DNAH10: variants seen among roughly 807,000 people sequenced by gnomAD.
The protein encoded by DNAH10 is dynein axonemal heavy chain 10.
DNAH10 carries 348 observed loss-of-function variants against 506.6 expected under a neutral mutation model. That is an observed-to-expected ratio of 0.69 (90% CI 0.63 to 0.75). The LOEUF (loss-of-function observed/expected upper bound fraction) is 0.75, where lower values mean the gene tolerates loss of function less well. Ranked by LOEUF, DNAH10 falls within the 30% of genes least tolerant of loss-of-function variation. The pLI is 0.00. For missense variants in DNAH10, 5,179 were observed against 5,787.1 expected (o/e 0.89, Z 3.41); for synonymous variants, 2,059 against 2,198.6 (o/e 0.94, Z 1.78).
chr12:123,933,945 T>A (rs1215541600), intron 77 of DNAH10: 1 of 462,764 alleles, frequency 2.2e-6, no homozygotes, highest in Non-Finnish European at 3.8e-6. Context: ...AGACATTGGT[T>A]ACTGACTGTG....
At position 123,928,133 on chromosome 12, in the gene DNAH10, G is replaced by T; in HGVS notation, c.12106-254G>T. ...GAGGAGCTGGGACTTCCAGGGCCAG[G>T]GAGGCAGATGAGTGCAAAATGCTCA... On this transcript the variant is annotated intron_variant, in intron 69 of 78. Coordinates refer to ENST00000673944, the MANE Select transcript of DNAH10 (RefSeq NM_001372106.1). This position sits in a 1 kb window ranked among gnomAD's most constrained non-coding sequence, Gnocchi z 4.9. 1.7e-6 allele frequency: 1 copy of T among 575,812 alleles called. No homozygotes were observed. The highest frequency in any genetic ancestry group is 3.1e-6 in the Non-Finnish European group (1 of 323,018). The allele number at this position is 575,812 out of a possible 1,614,324, so 35.7% of individuals were successfully genotyped here.
At chr12:123,881,881 A>C (rs1483539768) in intron 51 of DNAH10, 68 bp downstream of exon 51, 9 of 1,359,050 alleles carry the variant, frequency 6.6e-6, no homozygotes, top group Non-Finnish European at 8.7e-6. Context: ...GTTCGTGTAC[A>C]TATTGGAACA....
chr12:123,818,976 T>A lies in DNAH10; in HGVS notation c.3807T>A (p.Val1269=), dbSNP rs1485954103. The A allele has an allele frequency of 6.2e-7, 1 of 1,606,016 alleles. No homozygotes were observed. The highest frequency in any genetic ancestry group is 1.1e-5 in the South Asian group (1 of 88,936). ...CTCCTGATGCAGAGAAAGAACTGGT[T>A]GATAAGATTGAGAGCATATGGTCCA... ...LFPPDAEKEL[V]DKIESIWSNL... is the part of the protein sequence containing the mutation. Residue 1269 remains valine (V), a synonymous_variant, in exon 22 of 79, where the codon GTT becomes GTA. Transcript: ENST00000673944.
intron 35 of DNAH10, among the ~76,000 whole-genome samples, chr12:123,851,580 T>G (rs1466434582): frequency 6.6e-6 from 1 of 152,238 alleles, no homozygotes; most frequent in Non-Finnish European, 1.5e-5. Flanking sequence ...ACATCTCACA[T>G]AGCCACAGTC....
intron 25 of DNAH10, among the ~76,000 whole-genome samples, chr12:123,827,982 C>T (rs1960162027): frequency 6.6e-6 from 1 of 152,150 alleles, no homozygotes; most frequent in Non-Finnish European, 1.5e-5. Context: ...TTTATAATCC[C>T]ATAACCCAGT....
intron 2 of DNAH10, among the ~76,000 whole-genome samples, chr12:123,768,962 G>A (rs535673881): frequency 2.0e-5 from 3 of 152,068 alleles, no homozygotes; most frequent in Admixed American, 2.0e-4. Context: ...TGGTCTTGAA[G>A]TCCTGGGCTC....
In DNAH10 at chr12:123,909,043, C is replaced by A. The variant is rs529407506; in HGVS notation, c.9816-218C>A. Among the ~76,000 whole-genome samples, 2 of 152,166 alleles carry A rather than the reference C, an allele frequency of 1.3e-5. No homozygotes were observed. Among genetic ancestry groups the A allele is most frequent in the African/African-American group, 2.4e-5 (1 of 41,452 alleles). On this transcript the variant is annotated intron_variant, in intron 57 of 78. Coordinates refer to ENST00000673944, the MANE Select transcript of DNAH10 (RefSeq NM_001372106.1). This position sits in a 1 kb window ranked among gnomAD's most constrained non-coding sequence, Gnocchi z 5.4. Reference sequence around the variant, plus strand: ...AATGCTGCCCCCGCACCATTCCAGGCGCCTGGTCTGGAACCTGAGAGGGGG... The same window carrying A: ...AATGCTGCCCCCGCACCATTCCAGGAGCCTGGTCTGGAACCTGAGAGGGGG...
At chr12:123,778,403 A>G (rs1262964055) in intron 5 of DNAH10, among the ~76,000 whole-genome samples, 3 of 152,176 alleles carry the variant, frequency 2.0e-5, no homozygotes, top group African/African-American at 7.2e-5. Context: ...TAGAAAATAT[A>G]TTCAAATACA....
chr12:123,915,691 G>A (rs1467432097), intron 62 of DNAH10, among the ~76,000 whole-genome samples: 1 of 152,190 alleles, frequency 6.6e-6, no homozygotes, highest in Non-Finnish European at 1.5e-5. Flanking sequence ...TTGCTGTAGT[G>A]CATCAGGGCG....
intron 25 of DNAH10, among the ~76,000 whole-genome samples, chr12:123,829,137 A>C (rs1387289838): frequency 6.6e-6 from 1 of 152,132 alleles, no homozygotes; most frequent in Non-Finnish European, 1.5e-5. Flanking sequence ...CCTGAAGATA[A>C]GGCTTAGGGA....
chr12:123,813,849 C>T lies in DNAH10; in HGVS notation c.3717C>T (p.Val1239=). ...TIAEIRSKSL[V]MELRYRDVQE... ...CAGAAATTAGAAGTAAATCTCTAGT[C>T]ATGGAACTCAGATATAGGGACGTCC... Residue 1239 remains valine, a synonymous_variant, in exon 21 of 79, where the codon GTC becomes GTT. Transcript: ENST00000673944. The T allele has an allele frequency of 1.2e-6, 2 of 1,613,234 alleles. No individual in the cohort carries two copies. The highest frequency in any genetic ancestry group is 1.7e-6 in the Non-Finnish European group (2 of 1,179,738).
intron 40 of DNAH10, among the ~76,000 whole-genome samples, chr12:123,865,632 A>G (rs1951775715): frequency 6.6e-6 from 1 of 151,948 alleles, no homozygotes; most frequent in Non-Finnish European, 1.5e-5. Context: ...CTCCAAAACA[A>G]CATTTGTTTC....
In DNAH10 at chr12:123,859,448, T is replaced by G. The variant is rs186701218; in HGVS notation, c.6749+180T>G. On this transcript the variant is annotated intron_variant, in intron 38 of 78. Coordinates refer to ENST00000673944, the MANE Select transcript of DNAH10 (RefSeq NM_001372106.1). The stretch of plus-strand genomic sequence containing the variant: ...TTTATTGCAGACTTAGTTAAGATAT[T>G]TTAGAATGCAAAATAGCAACCCGCT... Among the ~76,000 whole-genome samples the G allele has an allele frequency of 8.5e-4, 130 of 152,334 alleles. 1 individual carries two copies. Among genetic ancestry groups the G allele is most frequent in the African/African-American group, 3.0e-3 (125 of 41,564 alleles).
chr12:123,812,222 T>C (rs918922072), intron 19 of DNAH10, among the ~76,000 whole-genome samples: 3 of 151,834 alleles, frequency 2.0e-5, no homozygotes, highest in Non-Finnish European at 4.4e-5. Context: ...GAGGCCGAGG[T>C]GGGCGGATCA....
chr12:123,879,682 G>A lies in DNAH10; in HGVS notation c.8515G>A (p.Val2839Met), dbSNP rs61743050. The change falls in exon 50 of 79, where the codon GTG becomes ATG. Residue 2839 changes from valine (V) to methionine (M), a missense_variant. Val to Met is a conservative substitution (Grantham distance 21). Transcript: ENST00000673944. ...SLVVEHFKDD[V>M]EVVMRDPILF... is the part of the protein sequence containing the mutation. Reference sequence around the variant, plus strand: ...GGTTGTGGAACATTTTAAAGATGACGTGGAGGTGGTGATGAGGGATCCCAT... The same window carrying A: ...GGTTGTGGAACATTTTAAAGATGACATGGAGGTGGTGATGAGGGATCCCAT... 3,593 of 1,613,968 alleles carry A rather than the reference G, an allele frequency of 2.2e-3. 77 individuals are homozygous for A. The African/African-American group carries it at 0.042, about 19-fold the overall frequency.
In DNAH10 at chr12:123,831,688, C is replaced by A. The variant is rs949924861; in HGVS notation, c.4545+989C>A. 2.0e-5 allele frequency among the ~76,000 whole-genome samples: 3 copies of A among 152,024 alleles called. No homozygotes were observed. In the East Asian group the frequency reaches 5.8e-4, roughly 29 times the overall value. ...AGGGTGGATCACGAGGTCAGGAGATCGAGACCATCCTGGCTAACACGGTGA... is the reference window on the plus strand; with the variant it reads ...AGGGTGGATCACGAGGTCAGGAGATAGAGACCATCCTGGCTAACACGGTGA... On this transcript the variant is annotated intron_variant, in intron 26 of 78. Transcript: ENST00000673944.
At chr12:123,886,762 C>G (rs1234790850) in intron 51 of DNAH10, among the ~76,000 whole-genome samples, 1 of 152,002 alleles carries the variant, frequency 6.6e-6, no homozygotes, top group Non-Finnish European at 1.5e-5. Context: ...AAAAAGCGTG[C>G]TTTAAACTTA....
chr12:123,863,739 C>T (rs1191764866), intron 39 of DNAH10, among the ~76,000 whole-genome samples: 3 of 152,212 alleles, frequency 2.0e-5, no homozygotes, highest in East Asian at 1.9e-4. Flanking sequence ...ATTGCGTTTG[C>T]AAAGGCCTTT....
intron 25 of DNAH10, among the ~76,000 whole-genome samples, chr12:123,827,736 G>T (rs966334387): frequency 6.6e-6 from 1 of 152,112 alleles, no homozygotes; most frequent in South Asian, 2.1e-4. Context: ...TCCTATCCTT[G>T]AGTTCACACT....
Sources: gnomAD v4.1 joint callset for allele counts (sites outside exome capture counted in the v4.1 genomes callset) on GRCh38, gnomAD v4.1.1 for gene constraint, Gnocchi (gnomAD v3.1) non-coding constraint, MANE v1.5 for transcripts, NCBI Gene and HGNC (gene_info 2026-07-23, HGNC 2026-07-21) for gene names.